BLM: variants seen among roughly 807,000 people sequenced by gnomAD.
BLM encodes the protein BLM RecQ like helicase.
A neutral mutation model predicts 135.3 loss-of-function variants in BLM; 95 were observed. The observed-to-expected ratio is 0.70, with a 90% CI of 0.59 to 0.83. BLM has a LOEUF of 0.83. Among genes scored for constraint, BLM ranks in the 40% least tolerant of loss-of-function variants. The pLI, the probability that BLM is intolerant of heterozygous loss-of-function variation, is 0.00. For synonymous variants in BLM, 520 were observed against 589.2 expected (o/e 0.88, Z 1.70); for missense variants, 1,518 against 1,663.9 (o/e 0.91, Z 1.53).
At chr15:90,785,894 C>T (rs1896734449) in intron 14 of BLM, among the ~76,000 whole-genome samples, 1 of 151,524 alleles carries the variant, frequency 6.6e-6, no homozygotes, top group Non-Finnish European at 1.5e-5. Flanking sequence ...TATATGAGTA[C>T]TTCATACCTT....
chr15:90,759,755 C>G (rs1462158085), intron 5 of BLM, among the ~76,000 whole-genome samples: 1 of 151,900 alleles, frequency 6.6e-6, no homozygotes, highest in Non-Finnish European at 1.5e-5. Flanking sequence ...TACAGACACG[C>G]ACCACCATGC....
In BLM at chr15:90,794,211, A is replaced by G; in HGVS notation, c.3064A>G (p.Asn1022Asp). The change falls in exon 16 of 22, where the codon AAT becomes GAT. Residue 1022 changes from asparagine to aspartate, a missense_variant. Coordinates refer to ENST00000355112, the MANE Select transcript of BLM (RefSeq NM_000057.4). ...TCATACAAGAGAAACTCACTTCAAT[A>G]ATTTGTATAGCATGGTACATTACTG... ...NHHTRETHFN[N>D]LYSMVHYCEN... The G allele has an allele frequency of 6.2e-7, 1 of 1,606,456 alleles. No homozygotes were observed. Among genetic ancestry groups the G allele is most frequent in the Non-Finnish European group, 8.5e-7 (1 of 1,175,576 alleles).
At chr15:90,813,799 G>C (rs374294) in intron 21 of BLM, among the ~76,000 whole-genome samples, 100,031 of 151,946 alleles carry the variant, frequency 0.66, 33,260 homozygotes, top group East Asian at 0.84. Flanking sequence ...CCGACCCAGT[G>C]TGCTCCCCGG....
intron 1 of BLM, among the ~76,000 whole-genome samples, chr15:90,728,484 C>A (rs1894976537): frequency 6.6e-6 from 1 of 152,188 alleles, no homozygotes; most frequent in Non-Finnish European, 1.5e-5. Context: ...GCAACCACCG[C>A]CTTCCAGGCT....
rs1226287991 is a variant in BLM at position 90,749,728 on chromosome 15, T to C, written c.460T>C (p.Trp154Arg). 1 of 1,614,184 alleles carries C rather than the reference T, an allele frequency of 6.2e-7. No individual in the cohort carries two copies. The highest frequency in any genetic ancestry group is 1.7e-5 in the Admixed American group (1 of 60,036). Residue 154 changes from tryptophan (W) to arginine (R), a missense_variant, in exon 3 of 22, where the codon TGG becomes CGG. By Grantham distance (101) the Trp-to-Arg change is moderately radical (BLOSUM62 -3). Transcript: ENST00000355112. The stretch of plus-strand genomic sequence containing the variant: ...AGATTCTTTAAGTACCATCAATGAT[T>C]GGGATGATATGGATGACTTTGATAC... ...SPDSLSTIND[W>R]DDMDDFDTSE...
intron 12 of BLM, among the ~76,000 whole-genome samples, chr15:90,777,736 G>A (rs1410621111): frequency 6.6e-6 from 1 of 152,158 alleles, no homozygotes; most frequent in South Asian, 2.1e-4. Context: ...TTAGTGGGTT[G>A]CTTTTTTTCT....
chr15:90,742,181 C>G (rs922486564), intron 1 of BLM, among the ~76,000 whole-genome samples: 1 of 152,156 alleles, frequency 6.6e-6, no homozygotes, highest in African/African-American at 2.4e-5. Flanking sequence ...AGCTGAGGTT[C>G]ATAAATACCT....
chr15:90,723,344 C>CTTTTT (rs1190556628), intron 1 of BLM, among the ~76,000 whole-genome samples: 3 of 128,362 alleles, frequency 2.3e-5, no homozygotes, highest in African/African-American at 5.7e-5. Context: ...TTTTTCTTTT[C>CTTTTT]TTTTTTTTTT....
At chr15:90,747,628 C>A in intron 2 of BLM, 138 bp downstream of exon 2, 1 of 685,608 alleles carries the variant, frequency 1.5e-6, no homozygotes, top group Non-Finnish European at 2.6e-6. Context: ...CCCACTTTGC[C>A]AATTAATGGT....
chr15:90,725,223 T>A (rs1894879038), intron 1 of BLM, among the ~76,000 whole-genome samples: 1 of 152,122 alleles, frequency 6.6e-6, no homozygotes, highest in Non-Finnish European at 1.5e-5. Context: ...GAGGAAGGTT[T>A]TATTGAATTA....
At chr15:90,799,658 C>T (rs995974783) in intron 17 of BLM, among the ~76,000 whole-genome samples, 2 of 135,780 alleles carry the variant, frequency 1.5e-5, no homozygotes, top group Non-Finnish European at 3.1e-5. Context: ...AAAATTAAGA[C>T]ATATGGCCAC....
intron 1 of BLM, among the ~76,000 whole-genome samples, chr15:90,739,548 A>G (rs1895309412): frequency 6.6e-6 from 1 of 152,214 alleles, no homozygotes. Context: ...ATTCTGACAC[A>G]TGTCTCACAA....
chr15:90,778,909 G>A (rs189441405), intron 12 of BLM, among the ~76,000 whole-genome samples: 9 of 103,752 alleles, frequency 8.7e-5, no homozygotes, highest in Non-Finnish European at 1.3e-4. Flanking sequence ...TTTTTGAGAC[G>A]GAGTCTCACT....
At chr15:90,794,834 ATAAC>A (rs1267425034) in intron 16 of BLM, among the ~76,000 whole-genome samples, 1 of 151,362 alleles carries the variant, frequency 6.6e-6, no homozygotes, top group Non-Finnish European at 1.5e-5. Context: ...CAAAAGAGTA[ATAAC>A]TAGTGTACCG....
intron 17 of BLM, among the ~76,000 whole-genome samples, chr15:90,800,280 C>A (rs1897133080): frequency 6.6e-6 from 1 of 152,162 alleles, no homozygotes; most frequent in African/African-American, 2.4e-5. Flanking sequence ...AGAAAGTGAG[C>A]ACAGGTCGTG....
rs549258972 is a variant in BLM at position 90,756,457 on chromosome 15, A to G, written c.1087+1519A>G. Reference sequence around the variant, plus strand: ...TTAACAGATAATGAAACTAAGGTACAGGAGCGTTAAATAGTTACACACCGT... The same window carrying G: ...TTAACAGATAATGAAACTAAGGTACGGGAGCGTTAAATAGTTACACACCGT... On this transcript the variant is annotated intron_variant, in intron 5 of 21. Transcript: ENST00000355112. 3.3e-5 allele frequency among the ~76,000 whole-genome samples: 5 copies of G among 152,354 alleles called. No individual in the cohort carries two copies. The South Asian group carries it at 1.0e-3, about 32-fold the overall frequency.
chr15:90,767,168 T>C, intron 10 of BLM, 145 bp downstream of exon 10: 1 of 578,668 alleles, frequency 1.7e-6, no homozygotes, highest in Non-Finnish European at 3.0e-6. Context: ...AACATTTTAC[T>C]ATAATTGCTT....
chr15:90,723,661 A>C (rs1172670991), intron 1 of BLM, among the ~76,000 whole-genome samples: 6 of 152,108 alleles, frequency 3.9e-5, no homozygotes, highest in Admixed American at 1.3e-4. Context: ...TCTAAAAAAA[A>C]ATTTTTTTAA....
intron 17 of BLM, among the ~76,000 whole-genome samples, chr15:90,800,701 G>T (rs1356090182): frequency 1.3e-5 from 2 of 149,338 alleles, no homozygotes; most frequent in Non-Finnish European, 3.0e-5. Flanking sequence ...GAAGGAACAG[G>T]GCCCACCCAA....
Sources: gnomAD v4.1 joint callset for allele counts (sites outside exome capture counted in the v4.1 genomes callset) on GRCh38, gnomAD v4.1.1 for gene constraint, MANE v1.5 for transcripts, NCBI Gene and HGNC (gene_info 2026-07-23, HGNC 2026-07-21) for gene names.